Variants in DENND3 observed in about 807,000 individuals in gnomAD.
The protein encoded by DENND3 is DENN domain containing 3.
DENND3 carries 88 observed loss-of-function variants against 135.1 expected under a neutral mutation model. The ratio of observed to expected loss-of-function variants is 0.65; its 90% CI spans 0.55 to 0.78. The LOEUF is 0.78. Ranked by LOEUF, DENND3 falls within the 30% of genes least tolerant of loss-of-function variation. DENND3 has a pLI of 0.00. For missense variants in DENND3, 1,392 were observed against 1,688.4 expected (o/e 0.82, Z 3.08); for synonymous variants, 693 against 712.3 (o/e 0.97, Z 0.43).
At position 141,128,618 on chromosome 8, in the gene DENND3, C is replaced by A. The variant is rs564416754; in HGVS notation, c.-90C>A. The A allele has an allele frequency of 2.2e-4, 176 of 782,286 alleles. 2 individuals carry two copies. In the African/African-American group the frequency reaches 3.0e-3, roughly 13 times the overall value. 48.5% of individuals were successfully genotyped at this position (782,286 alleles called of 1,614,324 possible). On this transcript the variant is annotated 5_prime_UTR_variant, in exon 1 of 23. Coordinates refer to ENST00000519811, the MANE Select transcript of DENND3 (RefSeq NM_001352890.3). The surrounding 1 kb of genome is among the most constrained non-coding windows in gnomAD (Gnocchi z 4.5). Reference sequence around the variant, plus strand: ...ACGGCGCTCGCAGCGCCCCCGGCCCCCAGGCGGCGCGGCTGGTCCCCAGGG... The same window carrying A: ...ACGGCGCTCGCAGCGCCCCCGGCCCACAGGCGGCGCGGCTGGTCCCCAGGG...
chr8:141,160,117 G>C (rs1394512105), intron 8 of DENND3, among the ~76,000 whole-genome samples: 1 of 152,094 alleles, frequency 6.6e-6, no homozygotes, highest in African/African-American at 2.4e-5. Context: ...AGTCCAAGTC[G>C]AGGCCCATGT....
chr8:141,140,789 G>A (rs1164267824), intron 3 of DENND3, among the ~76,000 whole-genome samples: 1 of 152,184 alleles, frequency 6.6e-6, no homozygotes, highest in Non-Finnish European at 1.5e-5. Context: ...GAACCCTGCG[G>A]CCGTGGCTCC....
chr8:141,139,107 G>A lies in DENND3; in HGVS notation c.501+970G>A, dbSNP rs756984994. The stretch of plus-strand genomic sequence containing the variant: ...GCTGCACACGTCCAGAGGGTTTCCC[G>A]AAGCAAAAAGCGAGCCGGAGCCTTA... On this transcript the variant is annotated intron_variant, in intron 3 of 22. Transcript: ENST00000519811. This position sits in a 1 kb window ranked among gnomAD's most constrained non-coding sequence, Gnocchi z 4.2. 4.0e-5 allele frequency among the ~76,000 whole-genome samples: 6 copies of A among 151,826 alleles called. No homozygotes were observed. Among genetic ancestry groups the A allele is most frequent in the East Asian group, 1.9e-4 (1 of 5,182 alleles).
Position 141,180,684 on chromosome 8 carries a change from C to T in DENND3, c.2837-63C>T, listed in dbSNP as rs965851420. On this transcript the variant is annotated intron_variant, in intron 16 of 22. Coordinates refer to ENST00000519811, the MANE Select transcript of DENND3 (RefSeq NM_001352890.3). ...CTGCAGAAATCAGAGTGCGTGAGGC[C>T]GTTGCATCGCGTCTGTTTCCTTGAG... 5.0e-5 allele frequency: 71 copies of T among 1,430,452 alleles called. No individual in the cohort carries two copies. In the East Asian group the frequency reaches 1.0e-3, roughly 20 times the overall value. 88.6% of individuals were successfully genotyped at this position (1,430,452 alleles called of 1,614,324 possible).
chr8:141,142,369 C>A (rs963830699), intron 4 of DENND3: 1 of 456,878 alleles, frequency 2.2e-6, no homozygotes, highest in Non-Finnish European at 4.4e-6. Context: ...CACGGCAAAT[C>A]GCTGAATTGG....
chr8:141,179,773 G>C (rs73713350), intron 16 of DENND3, among the ~76,000 whole-genome samples: 1,984 of 152,290 alleles, frequency 0.013, 43 homozygotes, highest in African/African-American at 0.044. Context: ...GACGTGTGTC[G>C]GTTTCTTCAT....
rs1214823022 is a variant in DENND3, at chr8:141,137,139, C to T, written c.385+348C>T. Among the ~76,000 whole-genome samples the T allele has an allele frequency of 1.3e-5, 2 of 152,070 alleles. No individual in the cohort carries two copies. Among genetic ancestry groups the T allele is most frequent in the Non-Finnish European group, 2.9e-5 (2 of 68,004 alleles). On this transcript the variant is annotated intron_variant, in intron 2 of 22. Coordinates refer to ENST00000519811, the MANE Select transcript of DENND3 (RefSeq NM_001352890.3). This position sits in a 1 kb window ranked among gnomAD's most constrained non-coding sequence, Gnocchi z 4.1. Reference sequence around the variant, plus strand: ...GGATTACAGGTGCCAACCACCACGCCTGGCTAACTTTTGTGTCTTTAGTAG... The same window carrying T: ...GGATTACAGGTGCCAACCACCACGCTTGGCTAACTTTTGTGTCTTTAGTAG...
chr8:141,192,739 G>C (rs1482295163), intron 22 of DENND3, 76 bp downstream of exon 22: 3 of 1,608,498 alleles, frequency 1.9e-6, no homozygotes, highest in African/African-American at 1.3e-5. Context: ...ATGCTCCCGA[G>C]AGCCAGCCGC....
In DENND3 at chr8:141,177,063, G is replaced by A. The variant is rs1822472907; in HGVS notation, c.2706+302G>A. 8.2e-6 allele frequency: 3 copies of A among 364,600 alleles called. No homozygotes were observed. The East Asian group carries it at 1.7e-4, about 20-fold the overall frequency. 22.6% of individuals were successfully genotyped at this position (364,600 alleles called of 1,614,324 possible). On this transcript the variant is annotated intron_variant, in intron 15 of 22. Transcript: ENST00000519811. ...GACATCCCAGAGAGTGGGGCCTCCC[G>A]GGGGCGGACGGTGCTGGTGCTGTCC...
At chr8:141,179,224 T>C (rs1381013577) in intron 16 of DENND3, among the ~76,000 whole-genome samples, 1 of 152,242 alleles carries the variant, frequency 6.6e-6, no homozygotes, top group African/African-American at 2.4e-5. Context: ...CAGGTGCCTG[T>C]GTTCCTGCAA....
At chr8:141,149,840 C>T (rs550633483) in intron 5 of DENND3, among the ~76,000 whole-genome samples, 10 of 152,344 alleles carry the variant, frequency 6.6e-5, no homozygotes, top group East Asian at 3.9e-4. Flanking sequence ...TAGGAAGCAA[C>T]GCTGGTGTCC....
chr8:141,190,248 A>C, intron 19 of DENND3, 36 bp from the exon 20 acceptor site: 2 of 1,523,162 alleles, frequency 1.3e-6, no homozygotes, highest in Non-Finnish European at 1.8e-6. Context: ...TCAGGGGCCC[A>C]AGTTAAAGGT....
At chr8:141,186,927 C>T (rs777077690) in intron 18 of DENND3, among the ~76,000 whole-genome samples, 22 of 152,214 alleles carry the variant, frequency 1.4e-4, no homozygotes, top group Admixed American at 2.6e-4. Context: ...CCCGAGAGGC[C>T]GCTGAGTAGC....
chr8:141,158,804 A>AG (rs973539746), intron 8 of DENND3, among the ~76,000 whole-genome samples: 2 of 152,142 alleles, frequency 1.3e-5, no homozygotes, highest in African/African-American at 4.8e-5. Flanking sequence ...CCTGGGCAGC[A>AG]GGGGTAGGGT....
At position 141,146,843 on chromosome 8, in the gene DENND3, T is replaced by C. The variant is rs1197107288; in HGVS notation, c.735+2584T>C. On this transcript the variant is annotated intron_variant, in intron 5 of 22. Coordinates refer to ENST00000519811, the MANE Select transcript of DENND3 (RefSeq NM_001352890.3). The surrounding 1 kb of genome is among the most constrained non-coding windows in gnomAD (Gnocchi z 4.3). ...TTGGCATTTTCTTGTCAACAGTATGTGCAGTGAAATCATCAAAGTTTATGT... is the reference window on the plus strand; with the variant it reads ...TTGGCATTTTCTTGTCAACAGTATGCGCAGTGAAATCATCAAAGTTTATGT... Among the ~76,000 whole-genome samples the C allele has an allele frequency of 6.6e-6, 1 of 152,168 alleles. No homozygotes were observed. Among genetic ancestry groups the C allele is most frequent in the Non-Finnish European group, 1.5e-5 (1 of 68,028 alleles).
At chr8:141,162,036 C>T (rs1794973287) in intron 9 of DENND3, among the ~76,000 whole-genome samples, 1 of 152,122 alleles carries the variant, frequency 6.6e-6, no homozygotes. Context: ...AACTCCTGAC[C>T]TCAGGTGATC....
chr8:141,136,825 C>T (rs1383298020), intron 2 of DENND3, 34 bp downstream of exon 2: 1 of 1,504,320 alleles, frequency 6.6e-7, no homozygotes, highest in Non-Finnish European at 8.9e-7. Flanking sequence ...CTGGGCGCCT[C>T]CTGCTGCCGG....
chr8:141,173,144 C>T (rs1180933320), intron 13 of DENND3, among the ~76,000 whole-genome samples: 1 of 149,468 alleles, frequency 6.7e-6, no homozygotes, highest in African/African-American at 2.5e-5. Context: ...ATGCTCTTCG[C>T]GACCTCACAG....
At chr8:141,136,108 GTC>G (rs1395958199) in intron 1 of DENND3, among the ~76,000 whole-genome samples, 3 of 152,226 alleles carry the variant, frequency 2.0e-5, no homozygotes, top group African/African-American at 7.2e-5. Context: ...GACCCACATT[GTC>G]TCTGTTATTC....
Sources: allele counts gnomAD v4.1 joint callset (sites outside exome capture counted in the v4.1 genomes callset), GRCh38; gene constraint gnomAD v4.1.1; non-coding constraint Gnocchi (gnomAD v3.1); transcripts MANE v1.5; gene names NCBI Gene and HGNC (gene_info 2026-07-23, HGNC 2026-07-21).